Variants in SNTG1 observed in about 807,000 individuals in gnomAD.
SNTG1 encodes the protein gamma-1-syntrophin.
A neutral mutation model predicts 74.7 loss-of-function variants in SNTG1; 39 were observed. The observed-to-expected ratio is 0.52, with a 90% CI of 0.40 to 0.68. The LOEUF is 0.68. Ranked by LOEUF, SNTG1 falls within the 30% of genes least tolerant of loss-of-function variation. The probability of loss-of-function intolerance (pLI) is 0.00; values close to 1 mark genes in which losing one functional copy is unlikely to be tolerated. For missense variants in SNTG1, 685 were observed against 609.5 expected, an observed-to-expected ratio of 1.12 and a Z score of -1.30; for synonymous variants, 254 against 217.1, an observed-to-expected ratio of 1.17 and a Z score of -1.49.
In SNTG1 at chr8:50,555,354, A is replaced by T. The variant is rs1326488713; in HGVS notation, c.810+2175A>T. 2.0e-5 allele frequency among the ~76,000 whole-genome samples: 3 copies of T among 152,352 alleles called. No individual in the cohort carries two copies. The East Asian group carries it at 5.8e-4, about 29-fold the overall frequency. On this transcript the variant is annotated intron_variant, in intron 12 of 18. Transcript: ENST00000642720. ...GGTTCCAATGTATTCTGATATGGAAAGTACTACATAAATGTTGAAAAGTTA... is the reference window on the plus strand; with the variant it reads ...GGTTCCAATGTATTCTGATATGGAATGTACTACATAAATGTTGAAAAGTTA...
chr8:50,574,071 C>A (rs1325576197), intron 12 of SNTG1, among the ~76,000 whole-genome samples: 2 of 151,882 alleles, frequency 1.3e-5, no homozygotes, highest in Non-Finnish European at 2.9e-5. Context: ...ACATCTCAAC[C>A]CATTTATGCC....
intron 1 of SNTG1, among the ~76,000 whole-genome samples, chr8:50,095,559 C>T (rs930167229): frequency 6.6e-6 from 1 of 152,014 alleles, no homozygotes; most frequent in Non-Finnish European, 1.5e-5. Flanking sequence ...ATGAAATCCA[C>T]ATAAGATATG....
At chr8:50,366,886 G>T (rs1049582088) in intron 2 of SNTG1, among the ~76,000 whole-genome samples, 1 of 144,208 alleles carries the variant, frequency 6.9e-6, no homozygotes, top group African/African-American at 2.5e-5. Context: ...TTCCATATTG[G>T]TTCTTAAATA....
intron 1 of SNTG1, among the ~76,000 whole-genome samples, chr8:50,155,813 C>A (rs1226361726): frequency 6.6e-6 from 1 of 151,566 alleles, no homozygotes; most frequent in African/African-American, 2.4e-5. Context: ...ATAAAGGTAA[C>A]AGAAAACAAA....
At chr8:50,218,515 C>T (rs1056418917) in intron 2 of SNTG1, among the ~76,000 whole-genome samples, 1 of 151,576 alleles carries the variant, frequency 6.6e-6, no homozygotes, top group Admixed American at 6.6e-5. Flanking sequence ...GGCATACAAA[C>T]TTATAAAGTG....
chr8:50,692,416 A>C (rs953250803), intron 15 of SNTG1, among the ~76,000 whole-genome samples: 2 of 152,114 alleles, frequency 1.3e-5, no homozygotes, highest in African/African-American at 4.8e-5. Flanking sequence ...GGTGACATAC[A>C]GATGGGTTTT....
At chr8:50,720,667 A>G (rs2095485626) in intron 17 of SNTG1, among the ~76,000 whole-genome samples, 1 of 152,214 alleles carries the variant, frequency 6.6e-6, no homozygotes, top group Non-Finnish European at 1.5e-5. Flanking sequence ...AAGATTCATC[A>G]AGACAATTTG....
At chr8:49,980,147 C>T (rs2130118874) in intron 1 of SNTG1, among the ~76,000 whole-genome samples, 2 of 152,278 alleles carry the variant, frequency 1.3e-5, no homozygotes, top group Middle Eastern at 6.8e-3. Context: ...GACAGCGTAC[C>T]TATTACACAT....
intron 9 of SNTG1, among the ~76,000 whole-genome samples, chr8:50,514,587 A>G (rs2094115537): frequency 6.6e-6 from 1 of 152,194 alleles, no homozygotes; most frequent in South Asian, 2.1e-4. Flanking sequence ...TGTATCAGAA[A>G]AGATATTTGA....
chr8:50,761,959 A>T (rs1363165309), intron 18 of SNTG1, among the ~76,000 whole-genome samples: 1 of 152,022 alleles, frequency 6.6e-6, no homozygotes, highest in Non-Finnish European at 1.5e-5. Context: ...AGTAAAAGGA[A>T]CCATTTTAAA....
chr8:50,376,754 T>TAGAG (rs770555169), intron 2 of SNTG1, among the ~76,000 whole-genome samples: 85 of 100,308 alleles, frequency 8.5e-4, no homozygotes, highest in African/African-American at 2.5e-3. Context: ...TATATATATA[T>TAGAG]ATAGAGAGAG....
intron 13 of SNTG1, among the ~76,000 whole-genome samples, chr8:50,611,611 C>T (rs918030992): frequency 1.3e-5 from 2 of 152,104 alleles, no homozygotes; most frequent in African/African-American, 4.8e-5. Flanking sequence ...TTTGCTTTTA[C>T]TACTGTGATA....
intron 4 of SNTG1, among the ~76,000 whole-genome samples, chr8:50,430,097 G>A (rs1051225799): frequency 1.3e-5 from 2 of 152,064 alleles, no homozygotes; most frequent in Non-Finnish European, 2.9e-5. Context: ...TTTTACAAAT[G>A]TGCCATAAAA....
intron 1 of SNTG1, among the ~76,000 whole-genome samples, chr8:49,959,502 AT>A (rs1448226746): frequency 6.6e-6 from 1 of 152,142 alleles, no homozygotes; most frequent in Non-Finnish European, 1.5e-5. Flanking sequence ...GTCTGTATAG[AT>A]TTGCCTATTT....
chr8:50,079,391 C>G (rs1822189986), intron 1 of SNTG1, among the ~76,000 whole-genome samples: 1 of 149,454 alleles, frequency 6.7e-6, no homozygotes, highest in Non-Finnish European at 1.5e-5. Flanking sequence ...CCTTTGCCCA[C>G]TTTTTGATGG....
chr8:50,554,660 G>A (rs781281781), intron 12 of SNTG1, among the ~76,000 whole-genome samples: 6 of 151,820 alleles, frequency 4.0e-5, no homozygotes, highest in Non-Finnish European at 8.8e-5. Context: ...TTGCACAAGA[G>A]GGCATAGGTT....
intron 15 of SNTG1, among the ~76,000 whole-genome samples, chr8:50,695,091 T>C (rs1211165296): frequency 6.6e-6 from 1 of 151,694 alleles, no homozygotes; most frequent in African/African-American, 2.4e-5. Context: ...CCAGAGAAAT[T>C]AGGCAAGAGG....
chr8:50,108,264 A>G (rs2080455372), intron 1 of SNTG1, among the ~76,000 whole-genome samples: 1 of 152,210 alleles, frequency 6.6e-6, no homozygotes, highest in Non-Finnish European at 1.5e-5. Context: ...GAATACTGTT[A>G]TTTATTAGAC....
intron 12 of SNTG1, chr8:50,575,727 G>A (rs566341183): frequency 6.6e-6 from 1 of 152,272 alleles, no homozygotes; most frequent in African/African-American, 2.4e-5. Context: ...AACCAAATGT[G>A]AGTCTGTATT....
Sources: allele counts gnomAD v4.1 joint callset (sites outside exome capture counted in the v4.1 genomes callset), GRCh38; gene constraint gnomAD v4.1.1; transcripts MANE v1.5; gene names NCBI Gene and HGNC (gene_info 2026-07-23, HGNC 2026-07-21).